RIT2: variants seen among roughly 807,000 people sequenced by gnomAD.
The protein encoded by RIT2 is GTP-binding protein Rit2.
In RIT2, 24 loss-of-function variants were observed where a neutral mutation model predicts 23.7. The observed-to-expected ratio is 1.01, with a 90% CI of 0.73 to 1.43. RIT2 has a LOEUF of 1.43. Ranked by LOEUF, RIT2 falls within the 40% of genes most tolerant of loss-of-function variation. The pLI, the probability that RIT2 is intolerant of heterozygous loss-of-function variation, is 0.00. For synonymous variants in RIT2, 107 were observed against 91.1 expected (o/e 1.17, Z -0.99); for missense variants, 236 against 266.9 (o/e 0.88, Z 0.81).
At chr18:42,960,457 G>A (rs905144215) in intron 3 of RIT2, among the ~76,000 whole-genome samples, 7 of 152,130 alleles carry the variant, frequency 4.6e-5, no homozygotes, top group Non-Finnish European at 1.0e-4. Context: ...TGGGATTACA[G>A]GTGTCCACCA....
chr18:42,880,458 C>A (rs1045817496), intron 4 of RIT2, among the ~76,000 whole-genome samples: 1 of 152,146 alleles, frequency 6.6e-6, no homozygotes, highest in Non-Finnish European at 1.5e-5. Context: ...GTAGCAGGAA[C>A]CAGTCTGTTA....
At chr18:43,000,342 G>A (rs1043870463) in intron 2 of RIT2, among the ~76,000 whole-genome samples, 34 of 151,998 alleles carry the variant, frequency 2.2e-4, no homozygotes, top group Non-Finnish European at 4.6e-4. Flanking sequence ...ATAATGAATA[G>A]TTTAAATGAT....
rs755763301 is a variant in RIT2 at position 42,900,237 on chromosome 18, ATAT to A, written c.426+23332_426+23334del. ...AATTTCTGCTTCTCTTTGGTGGAAG[ATAT>A]TATTATAAAACCTCACATGTGTCAG... On this transcript the variant is annotated intron_variant, in intron 4 of 4. Transcript: ENST00000326695. Among the ~76,000 whole-genome samples, 14 of 152,212 alleles carry A rather than the reference ATAT, an allele frequency of 9.2e-5. No homozygotes were observed. The South Asian group carries it at 1.5e-3, about 16-fold the overall frequency.
intron 1 of RIT2, among the ~76,000 whole-genome samples, chr18:43,100,597 G>A (rs951241955): frequency 6.6e-6 from 1 of 152,116 alleles, no homozygotes; most frequent in Non-Finnish European, 1.5e-5. Flanking sequence ...AAAGAGGATG[G>A]TAAGTTAGAA....
At chr18:43,040,701 G>A (rs1451140568) in intron 1 of RIT2, among the ~76,000 whole-genome samples, 1 of 152,008 alleles carries the variant, frequency 6.6e-6, no homozygotes. Flanking sequence ...GTGCATGTTA[G>A]GAAGAAAAGA....
At chr18:42,782,836 A>G (rs773022290) in intron 4 of RIT2, among the ~76,000 whole-genome samples, 3 of 152,140 alleles carry the variant, frequency 2.0e-5, no homozygotes, top group African/African-American at 4.8e-5. Context: ...AAAAGGCAGA[A>G]TCTTATATAT....
At chr18:43,038,817 CT>C (rs1912054371) in intron 1 of RIT2, among the ~76,000 whole-genome samples, 1 of 151,750 alleles carries the variant, frequency 6.6e-6, no homozygotes, top group African/African-American at 2.4e-5. Flanking sequence ...TTTGTGTCAC[CT>C]TTTTTTCTCT....
At chr18:42,775,042 G>A (rs1380643994) in intron 4 of RIT2, among the ~76,000 whole-genome samples, 1 of 152,126 alleles carries the variant, frequency 6.6e-6, no homozygotes, top group African/African-American at 2.4e-5. Context: ...CTGAACTTAT[G>A]TGTTTATCAG....
intron 2 of RIT2, among the ~76,000 whole-genome samples, chr18:43,021,998 C>A (rs1283562274): frequency 6.6e-6 from 1 of 152,058 alleles, no homozygotes; most frequent in Non-Finnish European, 1.5e-5. Context: ...GGAGGGATAC[C>A]TGCATTCCCA....
intron 2 of RIT2, among the ~76,000 whole-genome samples, chr18:43,029,263 A>G (rs942599690): frequency 7.9e-5 from 12 of 152,086 alleles, no homozygotes; most frequent in African/African-American, 2.9e-4. Flanking sequence ...CTAAAATGCT[A>G]AAAGAGGAAA....
At chr18:42,964,988 T>C (rs1473630280) in intron 3 of RIT2, among the ~76,000 whole-genome samples, 1 of 152,230 alleles carries the variant, frequency 6.6e-6, no homozygotes, top group Non-Finnish European at 1.5e-5. Context: ...ATTCTCATTC[T>C]TAAAACTTAA....
chr18:42,871,991 C>T (rs1907632753), intron 4 of RIT2, among the ~76,000 whole-genome samples: 1 of 152,180 alleles, frequency 6.6e-6, no homozygotes, highest in Admixed American at 6.6e-5. Flanking sequence ...CATTCAGTCT[C>T]ACCCTTTGCC....
At chr18:42,843,908 A>C (rs1004215401) in intron 4 of RIT2, among the ~76,000 whole-genome samples, 1 of 152,220 alleles carries the variant, frequency 6.6e-6, no homozygotes, top group Non-Finnish European at 1.5e-5. Context: ...AAAAAATAAA[A>C]ACATTTGAGT....
At chr18:42,745,713 T>C (rs1912901860) in intron 4 of RIT2, among the ~76,000 whole-genome samples, 1 of 152,170 alleles carries the variant, frequency 6.6e-6, no homozygotes, top group Non-Finnish European at 1.5e-5. Flanking sequence ...AAGTTATGTT[T>C]ATTAAGTAAC....
intron 4 of RIT2, among the ~76,000 whole-genome samples, chr18:42,907,124 T>C (rs2144114285): frequency 6.6e-6 from 1 of 152,294 alleles, no homozygotes; most frequent in African/African-American, 2.4e-5. Flanking sequence ...AAAAATTTGT[T>C]TCTGATTTTG....
chr18:43,012,018 CTG>C lies in RIT2; in HGVS notation c.160+21791_160+21792del, dbSNP rs34913419. Among the ~76,000 whole-genome samples the C allele has an allele frequency of 5.4e-3, 825 of 151,862 alleles. 7 individuals carry two copies. Among genetic ancestry groups the C allele is most frequent in the African/African-American group, 0.019 (788 of 41,488 alleles). ...TTCCTGAAATTATTCCATTGGGAAA[CTG>C]TCTATTTTTCCCATGTTCACGTCCA... On this transcript the variant is annotated intron_variant, in intron 2 of 4. Transcript: ENST00000326695.
At chr18:42,838,233 G>A (rs1276425444) in intron 4 of RIT2, among the ~76,000 whole-genome samples, 1 of 151,828 alleles carries the variant, frequency 6.6e-6, no homozygotes, top group South Asian at 2.1e-4. Context: ...AACTGCATAG[G>A]ATTTATGTGA....
At chr18:43,077,415 T>G (rs549907665) in intron 1 of RIT2, among the ~76,000 whole-genome samples, 1 of 151,216 alleles carries the variant, frequency 6.6e-6, no homozygotes, top group South Asian at 2.1e-4. Flanking sequence ...AAAATACTCT[T>G]TTCTTGAACA....
intron 4 of RIT2, among the ~76,000 whole-genome samples, chr18:42,895,806 T>C (rs1385850712): frequency 6.6e-6 from 1 of 151,834 alleles, no homozygotes; most frequent in Non-Finnish European, 1.5e-5. Context: ...CAATGCAGAG[T>C]GGAAGGAGCA....
Sources: allele counts gnomAD v4.1 joint callset (sites outside exome capture counted in the v4.1 genomes callset), GRCh38; gene constraint gnomAD v4.1.1; transcripts MANE v1.5; gene names NCBI Gene and HGNC (gene_info 2026-07-23, HGNC 2026-07-21).